Variants in NGEF observed in about 807,000 individuals in gnomAD.
The protein encoded by NGEF is neuronal guanine nucleotide exchange factor.
NGEF carries 31 observed loss-of-function variants against 80.9 expected under a neutral mutation model. That is an observed-to-expected ratio of 0.38 (90% CI 0.29 to 0.52). NGEF has a LOEUF of 0.52. Among genes scored for constraint, NGEF ranks in the 20% least tolerant of loss-of-function variants. NGEF has a pLI of 0.84. For synonymous variants in NGEF, 371 were observed against 370.2 expected (o/e 1.00, Z -0.03); for missense variants, 709 against 926.2 (o/e 0.77, Z 3.04).
chr2:232,935,726 G>A (rs1693313628), intron 3 of NGEF, among the ~76,000 whole-genome samples: 6 of 152,148 alleles, frequency 3.9e-5, no homozygotes, highest in Non-Finnish European at 8.8e-5. Context: ...ACAGCACATT[G>A]CTATTCACTT....
At chr2:232,907,762 T>A (rs977604932) in intron 5 of NGEF, among the ~76,000 whole-genome samples, 1 of 152,230 alleles carries the variant, frequency 6.6e-6, no homozygotes, top group African/African-American at 2.4e-5. Flanking sequence ...TTAAAAACTT[T>A]ATATATCTTG....
chr2:232,900,622 G>T (rs28590434), intron 5 of NGEF, among the ~76,000 whole-genome samples: 6 of 67,560 alleles, frequency 8.9e-5, no homozygotes, highest in East Asian at 4.0e-4. Context: ...ATACACACAC[G>T]CTCTCACAGT....
At chr2:232,916,219 T>C (rs1414554442) in intron 5 of NGEF, among the ~76,000 whole-genome samples, 1 of 152,252 alleles carries the variant, frequency 6.6e-6, no homozygotes, top group Non-Finnish European at 1.5e-5. Context: ...CTTGATAATG[T>C]CAGCTTTTTG....
chr2:232,894,729 G>A, intron 6 of NGEF, 27 bp downstream of exon 6: 1 of 1,534,190 alleles, frequency 6.5e-7, no homozygotes, highest in Non-Finnish European at 8.9e-7. Flanking sequence ...GGGCCCTGAG[G>A]GAGGTGGCTG....
At chr2:232,993,919 T>C (rs761822737) in intron 1 of NGEF, among the ~76,000 whole-genome samples, 24 of 151,960 alleles carry the variant, frequency 1.6e-4, no homozygotes, top group Admixed American at 3.3e-4. Context: ...GGGTGGGTTG[T>C]GGGAGACGCA....
intron 3 of NGEF, among the ~76,000 whole-genome samples, chr2:232,947,830 AAG>A (rs1195500662): frequency 6.6e-6 from 1 of 152,226 alleles, no homozygotes; most frequent in Non-Finnish European, 1.5e-5. Context: ...TGTATTTTTA[AAG>A]AGTCAGTCAC....
chr2:232,982,666 A>G (rs538551762), intron 1 of NGEF, among the ~76,000 whole-genome samples: 1 of 152,292 alleles, frequency 6.6e-6, no homozygotes, highest in African/African-American at 2.4e-5. Context: ...GGTGCCCGCT[A>G]CCACATCTGG....
intron 3 of NGEF, chr2:232,928,293 C>A (rs1317010900): frequency 7.6e-6 from 4 of 526,442 alleles, no homozygotes; most frequent in Non-Finnish European, 9.7e-6. Context: ...GCCCCGCGAG[C>A]GCCGACTGCG....
chr2:232,961,656 C>T (rs1413826580), intron 3 of NGEF, among the ~76,000 whole-genome samples: 4 of 146,464 alleles, frequency 2.7e-5, no homozygotes, highest in Non-Finnish European at 4.6e-5. Context: ...CCACGCCCAG[C>T]TAATTTTTTG....
chr2:232,951,026 C>G (rs191069316), intron 3 of NGEF, among the ~76,000 whole-genome samples: 1 of 152,190 alleles, frequency 6.6e-6, no homozygotes, highest in Non-Finnish European at 1.5e-5. Context: ...GTCCGGCATG[C>G]GGCTGGCTGT....
intron 3 of NGEF, among the ~76,000 whole-genome samples, chr2:232,937,585 T>C (rs1351385705): frequency 3.9e-5 from 6 of 152,174 alleles, no homozygotes; most frequent in Non-Finnish European, 5.9e-5. Flanking sequence ...CCTGAGCTTT[T>C]TGGGGGCAAC....
In NGEF at chr2:232,920,332, G is replaced by C. The variant is rs747145607; in HGVS notation, c.780C>G (p.Ser260Arg). The C allele has an allele frequency of 5.6e-6, 9 of 1,614,156 alleles. No individual in the cohort carries two copies. The Middle Eastern group carries it at 9.9e-4, about 178-fold the overall frequency. The change falls in exon 5 of 15, where the codon AGC becomes AGG. Residue 260 changes from serine (S) to arginine (R), a missense_variant. Physicochemically the swap from Ser to Arg is moderately radical, Grantham distance 110. Coordinates refer to ENST00000264051, the MANE Select transcript of NGEF (RefSeq NM_019850.3). ...NLWQDLPEIR[S>R]SGVLEILQPE... is the part of the protein sequence containing the mutation. Reference sequence around the variant, plus strand: ...GCTGTAGGATCTCAAGCACCCCGCTGCTCCGGATCTCGGGAAGATCCTGCC... The same window carrying C: ...GCTGTAGGATCTCAAGCACCCCGCTCCTCCGGATCTCGGGAAGATCCTGCC...
At chr2:232,931,737 A>G (rs564340600) in intron 3 of NGEF, among the ~76,000 whole-genome samples, 2 of 152,204 alleles carry the variant, frequency 1.3e-5, no homozygotes, top group Admixed American at 1.3e-4. Flanking sequence ...GACAAAATGA[A>G]GGAAGGAAGA....
At chr2:232,978,022 T>C (rs1348683257) in intron 1 of NGEF, among the ~76,000 whole-genome samples, 1 of 152,096 alleles carries the variant, frequency 6.6e-6, no homozygotes, top group Non-Finnish European at 1.5e-5. Flanking sequence ...TTTTGCGGTG[T>C]TGGGTTGAGG....
At chr2:232,975,598 T>C (rs1694275902) in intron 1 of NGEF, among the ~76,000 whole-genome samples, 1 of 152,070 alleles carries the variant, frequency 6.6e-6, no homozygotes, top group South Asian at 2.1e-4. Flanking sequence ...TAGCATATCA[T>C]CTGAACGAGG....
At chr2:233,006,027 A>G (rs1695077278) in intron 1 of NGEF, among the ~76,000 whole-genome samples, 3 of 152,144 alleles carry the variant, frequency 2.0e-5, no homozygotes, top group Admixed American at 2.0e-4. Context: ...GTGTTTGTCA[A>G]GCTGGTCTCG....
At chr2:232,905,042 A>G (rs1692459854) in intron 5 of NGEF, among the ~76,000 whole-genome samples, 2 of 152,312 alleles carry the variant, frequency 1.3e-5, no homozygotes, top group South Asian at 4.1e-4. Context: ...TTACTTTAAA[A>G]GGAGGAAAAC....
chr2:232,964,749 CA>C (rs1694023307), intron 3 of NGEF, among the ~76,000 whole-genome samples: 1 of 152,116 alleles, frequency 6.6e-6, no homozygotes, highest in South Asian at 2.1e-4. Flanking sequence ...TGATGAATTT[CA>C]AAAATATTAT....
chr2:232,954,864 A>G (rs527882333), intron 3 of NGEF, among the ~76,000 whole-genome samples: 3 of 152,298 alleles, frequency 2.0e-5, no homozygotes, highest in East Asian at 1.9e-4. Context: ...TCCAGGCACC[A>G]GTGTGGGTGG....
Sources: allele counts gnomAD v4.1 joint callset (sites outside exome capture counted in the v4.1 genomes callset), GRCh38; gene constraint gnomAD v4.1.1; transcripts MANE v1.5; gene names NCBI Gene and HGNC (gene_info 2026-07-23, HGNC 2026-07-21).